SLC39A8: variants seen among roughly 807,000 people sequenced by gnomAD.
SLC39A8 encodes metal cation symporter ZIP8.
A neutral mutation model predicts 40.4 loss-of-function variants in SLC39A8; 15 were observed. The ratio of observed to expected loss-of-function variants is 0.37; its 90% confidence interval spans 0.25 to 0.57. The LOEUF is 0.57. Among genes scored for constraint, SLC39A8 ranks in the 20% least tolerant of loss-of-function variants. The pLI is 0.75. For missense variants in SLC39A8, 472 were observed against 558.8 expected (o/e 0.84, Z 1.57); for synonymous variants, 223 against 221.6 (o/e 1.01, Z -0.06).
intron 3 of SLC39A8, among the ~76,000 whole-genome samples, chr4:102,314,993 A>G (rs1188409716): frequency 6.6e-6 from 1 of 152,176 alleles, no homozygotes; most frequent in Non-Finnish European, 1.5e-5. Flanking sequence ...TTAAAATTCC[A>G]ACATAATTTT....
chr4:102,284,562 T>A (rs1733070299), intron 6 of SLC39A8, among the ~76,000 whole-genome samples: 1 of 152,212 alleles, frequency 6.6e-6, no homozygotes, highest in African/African-American at 2.4e-5. Flanking sequence ...CATCACTGAT[T>A]TAATGTATGG....
intron 6 of SLC39A8, among the ~76,000 whole-genome samples, chr4:102,303,260 T>C (rs913995716): frequency 2.6e-5 from 4 of 152,008 alleles, no homozygotes; most frequent in Admixed American, 2.0e-4. Flanking sequence ...ATGAGAATTG[T>C]TGTAGACACC....
In SLC39A8 at chr4:102,263,107, C is replaced by A; in HGVS notation, c.1320G>T (p.Met440Ile). 6.2e-7 allele frequency: 1 copy of A among 1,613,806 alleles called. No individual in the cohort carries two copies. The highest frequency in any genetic ancestry group is 1.1e-5 in the South Asian group (1 of 91,038). ...GTAGAATGGCTGTGAATCCAGTTAA[C>A]ATTCCAGCATTCTGAATCATGAAGA... ...FTFFMIQNAG[M>I]LTGFTAILLI... The change falls in exon 9 of 9, where the codon ATG becomes ATT. Residue 440 changes from methionine to isoleucine, a missense_variant. Transcript: ENST00000356736.
At chr4:102,323,085 C>T (rs900427734) in intron 2 of SLC39A8, among the ~76,000 whole-genome samples, 2 of 152,188 alleles carry the variant, frequency 1.3e-5, no homozygotes, top group African/African-American at 4.8e-5. Flanking sequence ...CCATCCTTCC[C>T]CCACCCCAAG....
chr4:102,289,591 T>C (rs1733332809), intron 6 of SLC39A8, among the ~76,000 whole-genome samples: 1 of 152,182 alleles, frequency 6.6e-6, no homozygotes, highest in African/African-American at 2.4e-5. Flanking sequence ...AGAACATTTA[T>C]GATTCATGGG....
chr4:102,255,982 AC>A (rs1465848190), intron 11 of SLC39A8, among the ~76,000 whole-genome samples: 1 of 152,216 alleles, frequency 6.6e-6, no homozygotes, highest in African/African-American at 2.4e-5. Context: ...CTTACTTTTC[AC>A]AAATTAAAAG....
chr4:102,299,552 A>T (rs766554660), intron 6 of SLC39A8, among the ~76,000 whole-genome samples: 15 of 152,130 alleles, frequency 9.9e-5, no homozygotes, highest in Middle Eastern at 6.8e-3. Flanking sequence ...TTAAACTCTC[A>T]TGGAGGCCCA....
intron 6 of SLC39A8, among the ~76,000 whole-genome samples, chr4:102,285,146 C>G (rs1733105054): frequency 6.6e-6 from 1 of 151,982 alleles, no homozygotes; most frequent in Non-Finnish European, 1.5e-5. Context: ...TACCTGATAA[C>G]AAATAAAAAG....
intron 2 of SLC39A8, among the ~76,000 whole-genome samples, chr4:102,332,640 T>C (rs1000227244): frequency 6.6e-6 from 1 of 152,330 alleles, no homozygotes; most frequent in East Asian, 1.9e-4. Context: ...GAAATACCAA[T>C]TGATGGTTTG....
At chr4:102,327,896 A>C (rs1031096219) in intron 2 of SLC39A8, among the ~76,000 whole-genome samples, 12 of 152,204 alleles carry the variant, frequency 7.9e-5, no homozygotes, top group Admixed American at 3.3e-4. Flanking sequence ...TTCCAGCCAT[A>C]AGTTTTTCTT....
chr4:102,327,748 A>G (rs1735283042), intron 2 of SLC39A8, among the ~76,000 whole-genome samples: 1 of 152,230 alleles, frequency 6.6e-6, no homozygotes, highest in Non-Finnish European at 1.5e-5. Context: ...TTTATAAACA[A>G]TTGCTAATTT....
At chr4:102,319,676 T>C (rs80347616) in intron 2 of SLC39A8, among the ~76,000 whole-genome samples, 2,489 of 152,180 alleles carry the variant, frequency 0.016, 71 homozygotes, top group African/African-American at 0.057. Context: ...CTTGTCCATG[T>C]TGTATTTGGA....
At chr4:102,310,596 T>C (rs993718003) in intron 3 of SLC39A8, among the ~76,000 whole-genome samples, 4 of 152,098 alleles carry the variant, frequency 2.6e-5, no homozygotes, top group Non-Finnish European at 5.9e-5. Flanking sequence ...ACTTGGGGGA[T>C]GGTGGGAGTG....
chr4:102,339,983 A>C (rs1211998107), intron 2 of SLC39A8, among the ~76,000 whole-genome samples: 1 of 152,222 alleles, frequency 6.6e-6, no homozygotes, highest in Non-Finnish European at 1.5e-5. Context: ...CTGATTGCAA[A>C]AATTCAAAAA....
At chr4:102,295,597 C>T (rs1733645605) in intron 6 of SLC39A8, among the ~76,000 whole-genome samples, 1 of 152,046 alleles carries the variant, frequency 6.6e-6, no homozygotes, top group Non-Finnish European at 1.5e-5. Flanking sequence ...TGGTCTTCAA[C>T]TCCTGGACTC....
chr4:102,272,867 A>C (rs1732435431), intron 6 of SLC39A8, among the ~76,000 whole-genome samples: 1 of 152,042 alleles, frequency 6.6e-6, no homozygotes, highest in Admixed American at 6.5e-5. Context: ...CCTGGAGCCA[A>C]AGGAGGCCAT....
At chr4:102,306,250 C>T (rs974147644) in intron 4 of SLC39A8, among the ~76,000 whole-genome samples, 1 of 151,664 alleles carries the variant, frequency 6.6e-6, no homozygotes, top group Non-Finnish European at 1.5e-5. Flanking sequence ...TTTACTTTGA[C>T]CCATAAAGCA....
intron 2 of SLC39A8, among the ~76,000 whole-genome samples, chr4:102,331,969 A>G (rs1305101325): frequency 1.3e-5 from 2 of 152,236 alleles, no homozygotes; most frequent in Non-Finnish European, 1.5e-5. Context: ...CCCTATGTAG[A>G]AAACTGAAAC....
chr4:102,291,137 C>T (rs1211577525), intron 6 of SLC39A8, among the ~76,000 whole-genome samples: 1 of 151,942 alleles, frequency 6.6e-6, no homozygotes, highest in Non-Finnish European at 1.5e-5. Context: ...CAATGACAAA[C>T]TCCTTAAAAT....
Sources: gnomAD v4.1 joint callset for allele counts (sites outside exome capture counted in the v4.1 genomes callset) on GRCh38, gnomAD v4.1.1 for gene constraint, MANE v1.5 for transcripts, NCBI Gene and HGNC (gene_info 2026-07-23, HGNC 2026-07-21) for gene names.